The following MRTFA variants were observed in gnomAD, a reference collection of about 807,000 sequenced individuals.
MRTFA encodes myocardin related transcription factor A.
MRTFA carries 20 observed loss-of-function variants against 83.5 expected under a neutral mutation model. The ratio of observed to expected loss-of-function variants is 0.24; its 90% CI spans 0.17 to 0.35. MRTFA has a LOEUF of 0.35. Ranked by LOEUF, MRTFA falls within the 10% of genes least tolerant of loss-of-function variation. MRTFA has a pLI of 1.00. For synonymous variants in MRTFA, 659 were observed against 541.2 expected (o/e 1.22, Z -3.02); for missense variants, 1,200 against 1,224.7 (o/e 0.98, Z 0.30).
chr22:40,488,297 G>A (rs1448617116), intron 3 of MRTFA, among the ~76,000 whole-genome samples: 1 of 152,208 alleles, frequency 6.6e-6, no homozygotes, highest in Admixed American at 6.5e-5. Flanking sequence ...GGAGCATTAC[G>A]TTTGTGAAAA....
In MRTFA at chr22:40,435,564, G is replaced by A; in HGVS notation, c.308-10C>T. The A allele has an allele frequency of 6.2e-7, 1 of 1,614,082 alleles. No individual in the cohort carries two copies. ...GCTGGACTTTTCAAAGCTGTTGAGA[G>A]AAGAACCGTAAAGATTACCTTCAAG... is the stretch of plus-strand genomic sequence containing the variant. On this transcript the variant is annotated splice_polypyrimidine_tract_variant and intron_variant, in intron 4 of 14. Coordinates refer to ENST00000355630, the MANE Select transcript of MRTFA (RefSeq NM_020831.6).
At chr22:40,474,354 A>G (rs757454463) in intron 3 of MRTFA, among the ~76,000 whole-genome samples, 12 of 152,230 alleles carry the variant, frequency 7.9e-5, no homozygotes, top group African/African-American at 2.7e-4. Context: ...GTTATATGAT[A>G]ATAAACTTTT....
chr22:40,422,441 A>ATTTT, intron 9 of MRTFA, among the ~76,000 whole-genome samples: 1 of 152,318 alleles, frequency 6.6e-6, no homozygotes, highest in Middle Eastern at 3.4e-3. Flanking sequence ...ACTCTGGGGG[A>ATTTT]AAAGCAGGGA....
chr22:40,509,982 T>TAAAA (rs556051473), intron 3 of MRTFA, among the ~76,000 whole-genome samples: 3 of 108,110 alleles, frequency 2.8e-5, no homozygotes, highest in Non-Finnish European at 3.6e-5. Flanking sequence ...CCAAGTACTT[T>TAAAA]AAAAAAAAAA....
chr22:40,424,146 C>G (rs1179833216), intron 8 of MRTFA, 60 bp downstream of exon 8: 5 of 1,489,174 alleles, frequency 3.4e-6, no homozygotes, highest in Non-Finnish European at 3.6e-6. Context: ...GGAGAGAGAC[C>G]TTACTCTGCG....
At chr22:40,413,238 C>T (rs911913013) in intron 14 of MRTFA, among the ~76,000 whole-genome samples, 1 of 150,500 alleles carries the variant, frequency 6.6e-6, no homozygotes, top group African/African-American at 2.4e-5. Context: ...GGAGGATTGG[C>T]TTCAAGCCAG....
At chr22:40,476,676 C>A (rs560256910) in intron 3 of MRTFA, among the ~76,000 whole-genome samples, 3 of 152,074 alleles carry the variant, frequency 2.0e-5, no homozygotes, top group Non-Finnish European at 4.4e-5. Flanking sequence ...TAGTCTTGAA[C>A]TCCTGGGCTC....
intron 3 of MRTFA, among the ~76,000 whole-genome samples, chr22:40,485,585 G>C (rs1255681427): frequency 6.6e-6 from 1 of 152,190 alleles, no homozygotes; most frequent in Non-Finnish European, 1.5e-5. Context: ...CCACAGCCAA[G>C]AAGATGCAGT....
intron 3 of MRTFA, among the ~76,000 whole-genome samples, chr22:40,474,163 C>T (rs1285185792): frequency 6.6e-6 from 1 of 152,086 alleles, no homozygotes; most frequent in Non-Finnish European, 1.5e-5. Flanking sequence ...TGTGTTAGGT[C>T]CTGTGCTAGG....
At chr22:40,622,509 C>T (rs1000991549) in intron 1 of MRTFA, among the ~76,000 whole-genome samples, 1 of 151,392 alleles carries the variant, frequency 6.6e-6, no homozygotes, top group Non-Finnish European at 1.5e-5. Flanking sequence ...TCCAGGTGGG[C>T]TCTAAGTCCA....
chr22:40,477,587 T>A (rs1426659214), intron 3 of MRTFA, among the ~76,000 whole-genome samples: 1 of 152,174 alleles, frequency 6.6e-6, no homozygotes, highest in East Asian at 1.9e-4. Flanking sequence ...AAAATTATAA[T>A]ACAGATTACA....
At chr22:40,518,702 G>A (rs1403030377) in intron 3 of MRTFA, among the ~76,000 whole-genome samples, 1 of 149,708 alleles carries the variant, frequency 6.7e-6, no homozygotes, top group Non-Finnish European at 1.5e-5. Flanking sequence ...AGCTGAGGAA[G>A]GAGAATGGCG....
chr22:40,420,351 C>T (rs1176336238), intron 11 of MRTFA, 54 bp downstream of exon 11: 5 of 1,578,160 alleles, frequency 3.2e-6, no homozygotes, highest in Admixed American at 3.5e-5. Flanking sequence ...CCCAGACAGC[C>T]CCTGTGGGAA....
chr22:40,597,126 C>G (rs1474566168), intron 1 of MRTFA, among the ~76,000 whole-genome samples: 1 of 152,202 alleles, frequency 6.6e-6, no homozygotes, highest in Admixed American at 6.5e-5. Context: ...GAACAAGAAT[C>G]ATCTTTTATA....
intron 1 of MRTFA, among the ~76,000 whole-genome samples, chr22:40,633,684 G>C (rs1187569944): frequency 6.6e-6 from 1 of 151,870 alleles, no homozygotes; most frequent in Non-Finnish European, 1.5e-5. Flanking sequence ...AATAAAGATA[G>C]CCTTTATTTA....
intron 2 of MRTFA, chr22:40,586,803 TA>T: frequency 5.4e-6 from 2 of 370,748 alleles, no homozygotes; most frequent in South Asian, 2.1e-5. Flanking sequence ...TTCTCCTGCT[TA>T]AAAACAACAA....
chr22:40,444,191 T>A (rs2053333787), intron 4 of MRTFA, among the ~76,000 whole-genome samples: 1 of 151,746 alleles, frequency 6.6e-6, no homozygotes, highest in Admixed American at 6.6e-5. Flanking sequence ...TACAGCAGAA[T>A]AAAGGAGACA....
intron 2 of MRTFA, among the ~76,000 whole-genome samples, chr22:40,580,070 A>G (rs2055924323): frequency 6.6e-6 from 1 of 152,210 alleles, no homozygotes; most frequent in African/African-American, 2.4e-5. Flanking sequence ...AACCACATTC[A>G]TTGTACTTCT....
At chr22:40,428,027 CTG>C (rs1475711701) in intron 7 of MRTFA, among the ~76,000 whole-genome samples, 13 of 152,224 alleles carry the variant, frequency 8.5e-5, no homozygotes, top group African/African-American at 3.1e-4. Context: ...CCCCACGACA[CTG>C]TGCCATCCGT....
Sources: allele counts gnomAD v4.1 joint callset (sites outside exome capture counted in the v4.1 genomes callset), GRCh38; gene constraint gnomAD v4.1.1; transcripts MANE v1.5; gene names NCBI Gene and HGNC (gene_info 2026-07-23, HGNC 2026-07-21).